PUS10: variants seen among roughly 807,000 people sequenced by gnomAD.
The protein encoded by PUS10 is tRNA pseudouridine synthase Pus10.
A neutral mutation model predicts 75.0 loss-of-function variants in PUS10; 59 were observed. The observed-to-expected ratio is 0.79, with a 90% CI of 0.64 to 0.98. PUS10 has a LOEUF of 0.98. PUS10 is among the 50% of genes least tolerant of loss of function. PUS10 has a pLI of 0.00. For missense variants in PUS10, 650 were observed against 614.4 expected (o/e 1.06, Z -0.61); for synonymous variants, 219 against 211.6 (o/e 1.03, Z -0.30).
chr2:60,955,104 T>C lies in PUS10; in HGVS notation c.1001-30A>G, dbSNP rs762545574. On this transcript the variant is annotated intron_variant, in intron 11 of 17. Transcript: ENST00000316752. ...GAAAAGCAGATAAAGAAAAAAAAAT[T>C]AGAGACATCATAGCTCTAAGATATT... 4 of 1,411,700 alleles carry C rather than the reference T, an allele frequency of 2.8e-6. No individual in the cohort carries two copies. The African/African-American group carries it at 5.7e-5, about 20-fold the overall frequency. 87.4% of individuals were successfully genotyped at this position (1,411,700 alleles called of 1,614,324 possible).
intron 4 of PUS10, among the ~76,000 whole-genome samples, chr2:60,999,826 A>G (rs890479807): frequency 6.6e-6 from 1 of 152,158 alleles, no homozygotes; most frequent in Non-Finnish European, 1.5e-5. Flanking sequence ...GGGGGGAAAA[A>G]GGATCTGTAC....
intron 4 of PUS10, among the ~76,000 whole-genome samples, chr2:60,986,537 G>A (rs1035489514): frequency 6.6e-6 from 1 of 152,164 alleles, no homozygotes; most frequent in Non-Finnish European, 1.5e-5. Flanking sequence ...TAAACTTAGT[G>A]AATTTTGCAC....
intron 1 of PUS10, among the ~76,000 whole-genome samples, chr2:61,014,458 T>A (rs749836624): frequency 6.6e-6 from 1 of 152,212 alleles, no homozygotes; most frequent in Admixed American, 6.5e-5. Flanking sequence ...AGCAACTGTT[T>A]GCTTAAATTG....
chr2:61,011,734 T>C (rs1277293462), intron 2 of PUS10, 31 bp downstream of exon 2: 1 of 1,400,136 alleles, frequency 7.1e-7, no homozygotes. Context: ...TTCTCTTAAT[T>C]TGAAAAAAAA....
At chr2:60,951,604 A>G (rs1273427467) in intron 15 of PUS10, among the ~76,000 whole-genome samples, 2 of 152,112 alleles carry the variant, frequency 1.3e-5, no homozygotes, top group Middle Eastern at 3.2e-3. Context: ...TAATGCCACC[A>G]CTGAGGGAAC....
intron 4 of PUS10, among the ~76,000 whole-genome samples, chr2:60,998,159 C>T (rs1678602277): frequency 6.6e-6 from 1 of 152,024 alleles, no homozygotes; most frequent in Non-Finnish European, 1.5e-5. Flanking sequence ...AGAAAAAGAA[C>T]ATCAATCAAT....
At chr2:60,971,920 G>A (rs1167006748) in intron 4 of PUS10, among the ~76,000 whole-genome samples, 8 of 141,772 alleles carry the variant, frequency 5.6e-5, no homozygotes, top group Admixed American at 5.0e-4. Flanking sequence ...ACCCAAGCTG[G>A]AGTGTACTGG....
chr2:60,955,395 T>G (rs1675585921), intron 11 of PUS10, among the ~76,000 whole-genome samples: 1 of 152,158 alleles, frequency 6.6e-6, no homozygotes, highest in African/African-American at 2.4e-5. Flanking sequence ...AGCAGCGTGA[T>G]CATGGCCCAC....
chr2:60,982,929 A>C (rs1161014396), intron 4 of PUS10, among the ~76,000 whole-genome samples: 1 of 152,074 alleles, frequency 6.6e-6, no homozygotes, highest in Non-Finnish European at 1.5e-5. Context: ...TCCCAGGCTC[A>C]AGTGATCCTC....
At chr2:61,007,857 C>A (rs188462982) in intron 3 of PUS10, among the ~76,000 whole-genome samples, 22 of 149,322 alleles carry the variant, frequency 1.5e-4, no homozygotes, top group Middle Eastern at 3.7e-3. Flanking sequence ...CCAAGGCGGG[C>A]GGATCACGAG....
intron 16 of PUS10, among the ~76,000 whole-genome samples, chr2:60,946,137 C>A (rs1444893739): frequency 6.6e-6 from 1 of 152,082 alleles, no homozygotes; most frequent in Non-Finnish European, 1.5e-5. Flanking sequence ...CTCTCATTTT[C>A]TTTAAAGAAT....
At chr2:60,999,253 T>C (rs1177881662) in intron 4 of PUS10, among the ~76,000 whole-genome samples, 1 of 152,204 alleles carries the variant, frequency 6.6e-6, no homozygotes, top group Non-Finnish European at 1.5e-5. Flanking sequence ...AGCATATGTC[T>C]GGGACATTCA....
At chr2:60,990,342 G>A (rs1677999902) in intron 4 of PUS10, among the ~76,000 whole-genome samples, 1 of 152,186 alleles carries the variant, frequency 6.6e-6, no homozygotes, top group African/African-American at 2.4e-5. Context: ...ACATCAGAAA[G>A]TTAACAAGGT....
rs1033091125 is a variant in PUS10, at chr2:60,967,680, T to G, written c.504-67A>C. 6 of 1,049,762 alleles carry G rather than the reference T, an allele frequency of 5.7e-6. No individual in the cohort carries two copies. The African/African-American group carries it at 8.1e-5, about 14-fold the overall frequency. The allele number at this position is 1,049,762 out of a possible 1,614,324, so 65.0% of individuals were successfully genotyped here. A position where few individuals can be genotyped will look rare whatever the true frequency, so the allele number is the denominator to read the frequency against. On this transcript the variant is annotated intron_variant, in intron 5 of 17. Transcript: ENST00000316752. The stretch of plus-strand genomic sequence containing the variant: ...ACTTTTTCTATTAAAGGCAAGAATT[T>G]ATGCAATTATTTTTAAAATATTGAT...
At chr2:60,972,427 G>C (rs1237181533) in intron 4 of PUS10, among the ~76,000 whole-genome samples, 1 of 151,682 alleles carries the variant, frequency 6.6e-6, no homozygotes, top group East Asian at 2.0e-4. Context: ...CCGAGATCGC[G>C]CCACTGCCCT....
rs1245586353 is a variant in PUS10 at position 60,940,623 on chromosome 2, G to GT, written c.*1771_*1772insA. 1 of 152,220 alleles carries GT rather than the reference G, an allele frequency of 6.6e-6. No homozygotes were observed. The highest frequency in any genetic ancestry group is 2.4e-5 in the African/African-American group (1 of 41,416). The allele number at this position is 152,220 out of a possible 1,614,324, so 9.4% of individuals were successfully genotyped here. A position where few individuals can be genotyped will look rare whatever the true frequency, so the allele number is the denominator to read the frequency against. The stretch of plus-strand genomic sequence containing the variant: ...CTCAGGAATAGAAATTTAAGAAATA[G>GT]AAATCTTCTCATTTCAGTTTGCTAA... On this transcript the variant is annotated 3_prime_UTR_variant, in exon 18 of 18. Coordinates refer to ENST00000316752, the MANE Select transcript of PUS10 (RefSeq NM_144709.4).
intron 16 of PUS10, 119 bp from the exon 17 acceptor site, chr2:60,945,227 C>A: frequency 3.1e-6 from 2 of 640,534 alleles, no homozygotes; most frequent in South Asian, 2.0e-5. Context: ...TACTTCTGAG[C>A]TCTGACTTGT....
chr2:60,971,614 A>G (rs1676669401), intron 4 of PUS10, 57 bp from the exon 5 acceptor site: 1 of 1,510,628 alleles, frequency 6.6e-7, no homozygotes, highest in Non-Finnish European at 9.2e-7. Flanking sequence ...GTTCAGTGAA[A>G]TTAAGTCTCA....
intron 4 of PUS10, among the ~76,000 whole-genome samples, chr2:60,976,139 T>C (rs1677022141): frequency 6.6e-6 from 1 of 152,230 alleles, no homozygotes; most frequent in Admixed American, 6.5e-5. Context: ...TGCAGGACTA[T>C]TGTGATGATT....
Sources: allele counts gnomAD v4.1 joint callset (sites outside exome capture counted in the v4.1 genomes callset), GRCh38; gene constraint gnomAD v4.1.1; transcripts MANE v1.5; gene names NCBI Gene and HGNC (gene_info 2026-07-23, HGNC 2026-07-21).